ADGRD1: variants seen among roughly 807,000 people sequenced by gnomAD.
The protein encoded by ADGRD1 is G-protein coupled receptor 133.
A neutral mutation model predicts 113.4 loss-of-function variants in ADGRD1; 77 were observed. That is an observed-to-expected ratio of 0.68 (90% CI 0.57 to 0.82). ADGRD1 has a LOEUF of 0.82. ADGRD1 is among the 40% of genes least tolerant of loss of function. The pLI, the probability that ADGRD1 is intolerant of heterozygous loss-of-function variation, is 0.00. For missense variants in ADGRD1, 1,036 were observed against 1,139.1 expected (o/e 0.91, Z 1.30); for synonymous variants, 474 against 475.0 (o/e 1.00, Z 0.03).
chr12:131,136,247 G>A (rs979989681), intron 22 of ADGRD1, 84 bp downstream of exon 22: 5 of 1,533,806 alleles, frequency 3.3e-6, no homozygotes, highest in Non-Finnish European at 4.4e-6. Context: ...GCAGGGGCAG[G>A]AGGGAGGCCT....
Position 131,003,745 on chromosome 12 carries a change from T to C in ADGRD1, c.1145-441T>C, listed in dbSNP as rs1159538370. On this transcript the variant is annotated intron_variant, in intron 10 of 24. Coordinates refer to ENST00000261654, the MANE Select transcript of ADGRD1 (RefSeq NM_198827.5). The surrounding 1 kb of genome is among the most constrained non-coding windows in gnomAD (Gnocchi z 4.8). The stretch of plus-strand genomic sequence containing the variant: ...AGTCTTTACCAGGAGTGCATTATCC[T>C]GCTGATACTTCGCTGCAAGAGCCGA... Among the ~76,000 whole-genome samples, 1 of 152,270 alleles carries C rather than the reference T, an allele frequency of 6.6e-6. No individual in the cohort carries two copies. Among genetic ancestry groups the C allele is most frequent in the Non-Finnish European group, 1.5e-5 (1 of 68,042 alleles).
Position 131,044,462 on chromosome 12 carries a change from C to A in ADGRD1, c.1473+30122C>A, listed in dbSNP as rs561577790. Among the ~76,000 whole-genome samples the A allele has an allele frequency of 2.0e-5, 3 of 152,310 alleles. No homozygotes were observed. The East Asian group carries it at 5.8e-4, about 29-fold the overall frequency. Reference sequence around the variant, plus strand: ...CCTGGGTGGGGTCACAAGAGACTCGCAGCTCCTGGTCTCAGAGGACTGGCT... The same window carrying A: ...CCTGGGTGGGGTCACAAGAGACTCGAAGCTCCTGGTCTCAGAGGACTGGCT... On this transcript the variant is annotated intron_variant, in intron 13 of 24. Transcript: ENST00000261654.
intron 19 of ADGRD1, among the ~76,000 whole-genome samples, chr12:131,119,517 TC>T (rs1246294768): frequency 1.3e-5 from 2 of 152,206 alleles, no homozygotes; most frequent in Non-Finnish European, 1.5e-5. Context: ...CAGTCCTGAG[TC>T]CCGGGGTCTG....
At chr12:131,085,885 G>C (rs985237615) in intron 15 of ADGRD1, among the ~76,000 whole-genome samples, 1 of 152,174 alleles carries the variant, frequency 6.6e-6, no homozygotes, top group East Asian at 1.9e-4. Flanking sequence ...CTCATCTTCC[G>C]TGCGGAGCCC....
chr12:131,119,250 C>T (rs1227087403), intron 19 of ADGRD1, among the ~76,000 whole-genome samples: 7 of 152,182 alleles, frequency 4.6e-5, no homozygotes, highest in African/African-American at 9.7e-5. Flanking sequence ...ATAGTACAGA[C>T]GAATAGTGAA....
chr12:130,985,101 GTTTT>G (rs34234061), intron 5 of ADGRD1, among the ~76,000 whole-genome samples: 1 of 143,286 alleles, frequency 7.0e-6, no homozygotes, highest in Admixed American at 7.0e-5. Context: ...TGTCTCACTA[GTTTT>G]TTTTTTTTTT....
chr12:131,113,064 G>A lies in ADGRD1; in HGVS notation c.2041+4187G>A, dbSNP rs74843007. Reference sequence around the variant, plus strand: ...CCCTGGACTGGGAGCTGGAGGGAGTGGAGCCCTGTCTTCTTGCCCACACCT... The same window carrying A: ...CCCTGGACTGGGAGCTGGAGGGAGTAGAGCCCTGTCTTCTTGCCCACACCT... On this transcript the variant is annotated intron_variant, in intron 18 of 24. Transcript: ENST00000261654. The surrounding 1 kb of genome is among the most constrained non-coding windows in gnomAD (Gnocchi z 4.9). 5.9e-3 allele frequency among the ~76,000 whole-genome samples: 902 copies of A among 152,264 alleles called. 9 individuals are homozygous for A. The highest frequency in any genetic ancestry group is 0.021 in the African/African-American group (853 of 41,538).
intron 13 of ADGRD1, among the ~76,000 whole-genome samples, chr12:131,033,076 C>T (rs1880976057): frequency 6.6e-6 from 1 of 152,250 alleles, no homozygotes; most frequent in South Asian, 2.1e-4. Flanking sequence ...CGCGACGAGC[C>T]CCGCCCTGCC....
chr12:131,064,460 G>A (rs1665804612), intron 13 of ADGRD1, among the ~76,000 whole-genome samples: 1 of 152,174 alleles, frequency 6.6e-6, no homozygotes, highest in Non-Finnish European at 1.5e-5. Flanking sequence ...TAATTTTCAA[G>A]TATTGAGTCA....
intron 15 of ADGRD1, among the ~76,000 whole-genome samples, chr12:131,086,129 G>C (rs1566096354): frequency 6.6e-6 from 1 of 152,192 alleles, no homozygotes; most frequent in South Asian, 2.1e-4. Flanking sequence ...TATCAAGGCT[G>C]TGGACAGGCA....
intron 13 of ADGRD1, among the ~76,000 whole-genome samples, chr12:131,045,943 GT>G (rs1468946030): frequency 6.6e-6 from 1 of 151,632 alleles, no homozygotes; most frequent in African/African-American, 2.4e-5. Flanking sequence ...TCCCGCCCTG[GT>G]TGGTGCTCCC....
intron 13 of ADGRD1, among the ~76,000 whole-genome samples, chr12:131,048,584 G>T (rs565971123): frequency 4.6e-5 from 7 of 152,338 alleles, no homozygotes. Context: ...TTGCGGGGCG[G>T]ACGGCCCAGC....
chr12:130,955,326 G>T (rs971493876), intron 2 of ADGRD1, among the ~76,000 whole-genome samples: 1 of 151,974 alleles, frequency 6.6e-6, no homozygotes, highest in South Asian at 2.1e-4. Flanking sequence ...CAGGGTCTCG[G>T]GACCTCCAGC....
At chr12:131,091,172 A>C (rs1322637544) in intron 15 of ADGRD1, among the ~76,000 whole-genome samples, 1 of 152,210 alleles carries the variant, frequency 6.6e-6, no homozygotes, top group African/African-American at 2.4e-5. Flanking sequence ...TAATTGGATA[A>C]AATTATCCTA....
chr12:131,021,570 G>A lies in ADGRD1; in HGVS notation c.1473+7230G>A, dbSNP rs148066681. 8.1e-3 allele frequency among the ~76,000 whole-genome samples: 1,240 copies of A among 152,208 alleles called. 17 individuals are homozygous for A. Among genetic ancestry groups the A allele is most frequent in the African/African-American group, 0.025 (1,036 of 41,508 alleles). ...AGCGAGAGACATTTATTTTCTTGTT[G>A]TTCTAGGGGTTGGAAATCCAAGATC... On this transcript the variant is annotated intron_variant, in intron 13 of 24. Transcript: ENST00000261654.
At chr12:130,999,751 A>G (rs1172394462) in intron 8 of ADGRD1, among the ~76,000 whole-genome samples, 3 of 152,278 alleles carry the variant, frequency 2.0e-5, no homozygotes, top group East Asian at 1.9e-4. Flanking sequence ...GCTGTGGTCA[A>G]TTATGGTTTT....
intron 15 of ADGRD1, among the ~76,000 whole-genome samples, chr12:131,097,355 A>T (rs1259070608): frequency 2.0e-5 from 3 of 151,994 alleles, no homozygotes; most frequent in Non-Finnish European, 4.4e-5. Flanking sequence ...AACACACAGC[A>T]GCCCAGCTGG....
At chr12:131,115,654 G>A (rs1431183342) in intron 18 of ADGRD1, among the ~76,000 whole-genome samples, 1 of 152,188 alleles carries the variant, frequency 6.6e-6, no homozygotes, top group Non-Finnish European at 1.5e-5. Flanking sequence ...GCAAAGAGGA[G>A]CACCCAAAGT....
chr12:131,116,637 G>C (rs1163390891), intron 18 of ADGRD1, among the ~76,000 whole-genome samples: 1 of 152,200 alleles, frequency 6.6e-6, no homozygotes, highest in Non-Finnish European at 1.5e-5. Flanking sequence ...CGGAGGCAGA[G>C]AGCCACATGC....
Sources: gnomAD v4.1 joint callset for allele counts (sites outside exome capture counted in the v4.1 genomes callset) on GRCh38, gnomAD v4.1.1 for gene constraint, Gnocchi (gnomAD v3.1) non-coding constraint, MANE v1.5 for transcripts, NCBI Gene and HGNC (gene_info 2026-07-23, HGNC 2026-07-21) for gene names.